FBLN5: variants seen among roughly 807,000 people sequenced by gnomAD.
FBLN5 encodes the protein fibulin-5.
FBLN5 carries 24 observed loss-of-function variants against 61.6 expected under a neutral mutation model. The observed-to-expected ratio is 0.39, with a 90% CI of 0.28 to 0.55. The LOEUF (loss-of-function observed/expected upper bound fraction) is 0.55. FBLN5 is among the 20% of genes least tolerant of loss of function. FBLN5 has a pLI of 0.65. For missense variants in FBLN5, 470 were observed against 594.1 expected (o/e 0.79, Z 2.17); for synonymous variants, 213 against 219.8 (o/e 0.97, Z 0.27).
At chr14:91,883,268 T>C (rs1355600912) in intron 7 of FBLN5, among the ~76,000 whole-genome samples, 192 bp from the exon 8 acceptor site, 1 of 152,232 alleles carries the variant, frequency 6.6e-6, no homozygotes, top group African/African-American at 2.4e-5. Context: ...ACCATTGATA[T>C]TTGTACAGCT....
chr14:91,914,323 A>T (rs564059439), intron 4 of FBLN5, among the ~76,000 whole-genome samples: 1 of 152,110 alleles, frequency 6.6e-6, no homozygotes, highest in East Asian at 1.9e-4. Flanking sequence ...AAAAATACAA[A>T]AAAATTTAGC....
chr14:91,940,484 GAAC>G (rs2056088329), intron 3 of FBLN5, 78 bp downstream of exon 3: 1 of 1,186,772 alleles, frequency 8.4e-7, no homozygotes, highest in Non-Finnish European at 1.2e-6. Flanking sequence ...GCTAATCATT[GAAC>G]AACAGAGAAA....
intron 3 of FBLN5, among the ~76,000 whole-genome samples, chr14:91,939,103 G>A (rs1030212165): frequency 6.6e-6 from 1 of 152,086 alleles, no homozygotes; most frequent in African/African-American, 2.4e-5. Flanking sequence ...GAAGACAAAT[G>A]ATTTTGCTTA....
rs2055689848 is a variant in FBLN5, at chr14:91,919,386, AAAGAAAGGAAGGAAGG to A, written c.379+17545_379+17560del. 2.1e-4 allele frequency among the ~76,000 whole-genome samples: 20 copies of A among 94,838 alleles called. No homozygotes were observed. The South Asian group carries it at 4.4e-3, about 21-fold the overall frequency. The allele number at this position is 94,838 out of a possible 152,430, so 62.2% of individuals were successfully genotyped here. A position where few individuals can be genotyped will look rare whatever the true frequency, so the allele number is the denominator to read the frequency against. On this transcript the variant is annotated intron_variant, in intron 4 of 10. Transcript: ENST00000342058. ...GAAAAGAAAAGAAAAGAAAAGAAAG[AAAGAAAGGAAGGAAGG>A]AAGGAAGGAAGGAAGGAAGGAAGGA...
chr14:91,940,546 G>T lies in FBLN5; in HGVS notation c.124+19C>A. On this transcript the variant is annotated intron_variant, in intron 3 of 10. Coordinates refer to ENST00000342058, the MANE Select transcript of FBLN5 (RefSeq NM_006329.4). ...GCTGAATGCCTCCACCCCAATGAAG[G>T]ATCCACAGTGGCTCATACCTAAACA... The T allele has an allele frequency of 6.2e-7, 1 of 1,609,010 alleles. No homozygotes were observed. Among genetic ancestry groups the T allele is most frequent in the Non-Finnish European group, 8.5e-7 (1 of 1,175,744 alleles).
At chr14:91,878,385 A>C (rs952785818) in intron 9 of FBLN5, among the ~76,000 whole-genome samples, 2 of 152,224 alleles carry the variant, frequency 1.3e-5, no homozygotes, top group African/African-American at 4.8e-5. Context: ...GACTTTTACT[A>C]CCAAAGAATG....
At position 91,912,445 on chromosome 14, in the gene FBLN5, G is replaced by C. The variant is rs535365068; in HGVS notation, c.380-17373C>G. ...AGATCACTTGAGGTCAGGAGTTCAA[G>C]ACCAGCCTGGCCAACGTGGTGAAAC... On this transcript the variant is annotated intron_variant, in intron 4 of 10. Transcript: ENST00000342058. Among the ~76,000 whole-genome samples the C allele has an allele frequency of 7.9e-5, 12 of 152,328 alleles. No individual in the cohort carries two copies. The South Asian group carries it at 2.3e-3, about 29-fold the overall frequency.
chr14:91,908,688 A>T (rs1432103804), intron 4 of FBLN5, among the ~76,000 whole-genome samples: 1 of 152,200 alleles, frequency 6.6e-6, no homozygotes, highest in Non-Finnish European at 1.5e-5. Flanking sequence ...TTGACTGTAC[A>T]TTTGAATCAC....
At chr14:91,896,702 C>G (rs1263437985) in intron 4 of FBLN5, among the ~76,000 whole-genome samples, 1 of 152,140 alleles carries the variant, frequency 6.6e-6, no homozygotes, top group African/African-American at 2.4e-5. Context: ...TCATGCCACC[C>G]AGGACCAAGC....
At chr14:91,904,444 C>T (rs1387034787) in intron 4 of FBLN5, among the ~76,000 whole-genome samples, 2 of 152,216 alleles carry the variant, frequency 1.3e-5, no homozygotes, top group Admixed American at 6.5e-5. Flanking sequence ...GGCCTAGTCC[C>T]ACCCTAGCAA....
intron 7 of FBLN5, among the ~76,000 whole-genome samples, chr14:91,885,738 T>C (rs965608426): frequency 3.3e-5 from 5 of 152,162 alleles, no homozygotes; most frequent in Admixed American, 2.6e-4. Context: ...CACTCTACCA[T>C]ATGGCCTATG....
At chr14:91,884,322 C>G (rs1414189668) in intron 7 of FBLN5, among the ~76,000 whole-genome samples, 3 of 152,198 alleles carry the variant, frequency 2.0e-5, no homozygotes, top group African/African-American at 7.2e-5. Context: ...CCCGCCTCCC[C>G]TAGAAGCCTT....
At chr14:91,876,587 C>T (rs1457710542) in intron 10 of FBLN5, among the ~76,000 whole-genome samples, 9 of 152,142 alleles carry the variant, frequency 5.9e-5, no homozygotes. Flanking sequence ...AGATTTGATA[C>T]ACACAGAGGA....
intron 4 of FBLN5, among the ~76,000 whole-genome samples, chr14:91,901,836 G>GGCAACAAATATGTGATCCATTTTCCAA (rs1228315720): frequency 5.9e-5 from 9 of 152,158 alleles, no homozygotes; most frequent in African/African-American, 2.2e-4. Flanking sequence ...CCTCTGATTA[G>GGCAACAAATATGTGATCCATTTTCCAA]GCAACAAATA....
intron 4 of FBLN5, among the ~76,000 whole-genome samples, chr14:91,931,414 G>A (rs2055921256): frequency 6.6e-6 from 1 of 152,188 alleles, no homozygotes; most frequent in African/African-American, 2.4e-5. Context: ...CACATTGGTT[G>A]ACTGAAGAAG....
chr14:91,908,502 C>T (rs1210147462), intron 4 of FBLN5, among the ~76,000 whole-genome samples: 3 of 152,214 alleles, frequency 2.0e-5, no homozygotes, highest in Admixed American at 2.0e-4. Flanking sequence ...GAACTCAAGG[C>T]CGCCTATTTG....
intron 1 of FBLN5, chr14:91,946,786 A>C: frequency 1.3e-6 from 2 of 1,535,954 alleles, no homozygotes; most frequent in Non-Finnish European, 1.7e-6. Flanking sequence ...CATAGAGCAA[A>C]TCCAGCCCCG....
intron 6 of FBLN5, among the ~76,000 whole-genome samples, chr14:91,888,814 G>C (rs1889852843): frequency 6.6e-6 from 1 of 152,044 alleles, no homozygotes; most frequent in East Asian, 1.9e-4. Flanking sequence ...GGGAGGGCAG[G>C]GAAGAGTCTC....
At chr14:91,895,395 A>G (rs1890180369) in intron 4 of FBLN5, among the ~76,000 whole-genome samples, 1 of 152,230 alleles carries the variant, frequency 6.6e-6, no homozygotes, top group Non-Finnish European at 1.5e-5. Context: ...TGATTTAGAA[A>G]GCCATTTTGT....
Sources: gnomAD v4.1 joint callset for allele counts (sites outside exome capture counted in the v4.1 genomes callset) on GRCh38, gnomAD v4.1.1 for gene constraint, MANE v1.5 for transcripts, NCBI Gene and HGNC (gene_info 2026-07-23, HGNC 2026-07-21) for gene names.